ARHGAP6: variants seen among roughly 807,000 people sequenced by gnomAD.
ARHGAP6 encodes Rho GTPase activating protein 6, also known as rho GTPase-activating protein 6.
ARHGAP6 carries 16 observed loss-of-function variants against 55.7 expected under a neutral mutation model. The ratio of observed to expected loss-of-function variants is 0.29; its 90% CI spans 0.19 to 0.44. The LOEUF is 0.44. Among genes scored for constraint, ARHGAP6 ranks in the 20% least tolerant of loss-of-function variants. The pLI is 1.00. For synonymous variants in ARHGAP6, 382 were observed against 360.9 expected, an observed-to-expected ratio of 1.06 and a Z score of -0.66; for missense variants, 698 against 808.9, an observed-to-expected ratio of 0.86 and a Z score of 1.66.
chrX:11,629,017 GTGTA>G (rs1452815782), intron 1 of ARHGAP6, among the ~76,000 whole-genome samples: 1,166 of 108,117 alleles, frequency 0.011, 16 homozygotes, highest in Middle Eastern at 0.038. Flanking sequence ...GTGTGTGTGT[GTGTA>G]TACACGAGCT....
chrX:11,542,061 G>A (rs1338696935), intron 1 of ARHGAP6, among the ~76,000 whole-genome samples: 1 of 108,617 alleles, frequency 9.2e-6, no homozygotes, highest in African/African-American at 3.3e-5. Context: ...GTAAATAATG[G>A]TTAGGCAAAG....
intron 1 of ARHGAP6, among the ~76,000 whole-genome samples, chrX:11,502,702 A>T (rs113547756): frequency 0.089 from 9,882 of 110,493 alleles, 520 homozygotes; most frequent in East Asian, 0.18. Flanking sequence ...AATATATTTT[A>T]TTCTTATGAT....
chrX:11,289,211 T>TA (rs11442536), intron 1 of ARHGAP6, among the ~76,000 whole-genome samples: 29,110 of 110,463 alleles, frequency 0.26, 3,198 homozygotes, highest in African/African-American at 0.38. Context: ...TCTCTCACTT[T>TA]AAAAAATCGT....
chrX:11,613,290 C>T (rs1459173183), intron 1 of ARHGAP6, among the ~76,000 whole-genome samples: 1 of 112,471 alleles, frequency 8.9e-6, no homozygotes, highest in East Asian at 2.8e-4. Flanking sequence ...TTGATATAAC[C>T]TCTGAGGATA....
At chrX:11,515,127 A>C (rs2050825624) in intron 1 of ARHGAP6, among the ~76,000 whole-genome samples, 1 of 111,934 alleles carries the variant, frequency 8.9e-6, no homozygotes, top group African/African-American at 3.2e-5. Context: ...TCTGTCATGG[A>C]CCTGAAGTAG....
intron 1 of ARHGAP6, chrX:11,334,748 A>G (rs1264832314): frequency 8.0e-6 from 2 of 248,543 alleles, no homozygotes; most frequent in Non-Finnish European, 7.5e-6. Context: ...CACACAGCCC[A>G]GGCATCCTTG....
At chrX:11,219,664 T>C (rs2147411898) in intron 2 of ARHGAP6, among the ~76,000 whole-genome samples, 1 of 90,983 alleles carries the variant, frequency 1.1e-5, no homozygotes, top group Admixed American at 1.2e-4. Context: ...TTTCATGTGT[T>C]TTTTGGCTGC....
intron 1 of ARHGAP6, among the ~76,000 whole-genome samples, chrX:11,353,066 C>T (rs1272783698): frequency 1.8e-5 from 2 of 111,924 alleles, no homozygotes; most frequent in Admixed American, 9.5e-5. Context: ...TCATGCCTCA[C>T]TAACATGTTT....
chrX:11,580,434 T>A (rs746833688), intron 1 of ARHGAP6, among the ~76,000 whole-genome samples: 2 of 111,847 alleles, frequency 1.8e-5, no homozygotes, highest in South Asian at 7.4e-4. Context: ...CCTACATCAA[T>A]GCAAGTGCCT....
At chrX:11,397,366 G>C (rs1438034774) in intron 1 of ARHGAP6, among the ~76,000 whole-genome samples, 1 of 111,393 alleles carries the variant, frequency 9.0e-6, no homozygotes, top group Non-Finnish European at 1.9e-5. Flanking sequence ...CCTGCAAGGG[G>C]CTAAGCATTT....
chrX:11,552,422 T>C (rs1601637582), intron 1 of ARHGAP6, among the ~76,000 whole-genome samples: 1 of 104,823 alleles, frequency 9.5e-6, no homozygotes, highest in African/African-American at 3.5e-5. Flanking sequence ...CTACTGAGTA[T>C]ATATCCAAAG....
At chrX:11,412,169 TC>T (rs2049696563) in intron 1 of ARHGAP6, among the ~76,000 whole-genome samples, 1 of 111,464 alleles carries the variant, frequency 9.0e-6, no homozygotes, top group South Asian at 3.8e-4. Context: ...TGAAAAACAG[TC>T]CCCCAAATGA....
chrX:11,471,500 T>C (rs2050346435), intron 1 of ARHGAP6, among the ~76,000 whole-genome samples: 2 of 111,846 alleles, frequency 1.8e-5, no homozygotes, highest in South Asian at 7.4e-4. Flanking sequence ...ATAGGAAAAA[T>C]GAAAATCCCT....
rs2047484377 is a variant in ARHGAP6, at chrX:11,255,578, T to C, written c.589-871A>G. On this transcript the variant is annotated intron_variant, in intron 1 of 12. Transcript: ENST00000337414. ...AACTTATAAGATTTGGAATAAGGACTCAAGCTAAGAATGTAGGGCTTTAAA... is the reference window on the plus strand; with the variant it reads ...AACTTATAAGATTTGGAATAAGGACCCAAGCTAAGAATGTAGGGCTTTAAA... Among the ~76,000 whole-genome samples the C allele has an allele frequency of 2.7e-5, 3 of 111,385 alleles. No individual in the cohort carries two copies. In the South Asian group the frequency reaches 1.1e-3, roughly 42 times the overall value.
chrX:11,588,352 T>C (rs2051760716), intron 1 of ARHGAP6, among the ~76,000 whole-genome samples: 1 of 112,088 alleles, frequency 8.9e-6, no homozygotes, highest in Non-Finnish European at 1.9e-5. Context: ...TGCAAAATGG[T>C]TTGCCAATTC....
At chrX:11,552,634 T>C (rs1172291508) in intron 1 of ARHGAP6, among the ~76,000 whole-genome samples, 1 of 79,895 alleles carries the variant, frequency 1.3e-5, no homozygotes, top group African/African-American at 4.9e-5. Context: ...AATGGCATAC[T>C]GTTCAGCCTT....
rs183235979 is a variant in ARHGAP6 at position 11,551,001 on chromosome X, G to T, written c.588+113240C>A. 1.1e-4 allele frequency among the ~76,000 whole-genome samples: 12 copies of T among 111,621 alleles called. No homozygotes were observed. The East Asian group carries it at 2.5e-3, about 24-fold the overall frequency. ...ATATCTAAGATAAATTCTTTAGGGG[G>T]CATTGAGTAAAAAAATCTACAGAAC... On this transcript the variant is annotated intron_variant, in intron 1 of 12. Transcript: ENST00000337414.
chrX:11,371,326 C>A (rs2049141302), intron 1 of ARHGAP6, among the ~76,000 whole-genome samples: 1 of 112,011 alleles, frequency 8.9e-6, no homozygotes, highest in African/African-American at 3.2e-5. Context: ...TTTATTGGAA[C>A]CAGCCATGCA....
intron 1 of ARHGAP6, among the ~76,000 whole-genome samples, chrX:11,615,229 G>A (rs185598568): frequency 3.6e-5 from 4 of 111,290 alleles, no homozygotes; most frequent in African/African-American, 6.5e-5. Flanking sequence ...TGACCTTCCT[G>A]TAAACGTCAT....
Sources: allele counts gnomAD v4.1 joint callset (sites outside exome capture counted in the v4.1 genomes callset), GRCh38; gene constraint gnomAD v4.1.1; transcripts MANE v1.5; gene names NCBI Gene and HGNC (gene_info 2026-07-23, HGNC 2026-07-21).